Variants in MTHFD1L observed in about 807,000 individuals in gnomAD.
MTHFD1L encodes the protein monofunctional C1-tetrahydrofolate synthase, mitochondrial.
MTHFD1L carries 81 observed loss-of-function variants against 119.5 expected under a neutral mutation model. The ratio of observed to expected loss-of-function variants is 0.68; its 90% CI spans 0.57 to 0.82. MTHFD1L has a LOEUF of 0.82. Among genes scored for constraint, MTHFD1L ranks in the 40% least tolerant of loss-of-function variants. MTHFD1L has a pLI of 0.00. For missense variants in MTHFD1L, 1,125 were observed against 1,253.4 expected (o/e 0.90, Z 1.55); for synonymous variants, 430 against 475.2 (o/e 0.90, Z 1.24).
intron 1 of MTHFD1L, chr6:150,866,671 A>T (rs1483174846): frequency 1.7e-6 from 2 of 1,175,868 alleles, no homozygotes; most frequent in African/African-American, 3.2e-5. Flanking sequence ...GCCGGGGGGA[A>T]TCCGAGAGGT....
Position 150,882,788 on chromosome 6 carries a change from T to G in MTHFD1L, c.444T>G (p.Asn148Lys), listed in dbSNP as rs1013122691. Residue 148 changes from asparagine (N) to lysine (K), a missense_variant, in exon 5 of 28, where the codon AAT (asparagine) becomes AAG (lysine). Transcript: ENST00000367321. Reference protein sequence around the residue: ...AEIIDEILKINEDTRVHGLAL... With the variant: ...AEIIDEILKIKEDTRVHGLAL... The stretch of plus-strand genomic sequence containing the variant: ...TTATAGATGAAATCTTAAAGATCAA[T>G]GAAGATACCAGAGTACATGGCCTTG... 49 of 1,539,982 alleles carry G rather than the reference T, an allele frequency of 3.2e-5. No homozygotes were observed. The highest frequency in any genetic ancestry group is 3.7e-5 in the Non-Finnish European group (43 of 1,152,676).
chr6:151,066,809 C>T (rs1180997898), intron 26 of MTHFD1L, among the ~76,000 whole-genome samples: 2 of 151,810 alleles, frequency 1.3e-5, no homozygotes, highest in Non-Finnish European at 2.9e-5. Context: ...TTGGTTCTTC[C>T]AAAGAGCCAT....
At chr6:150,992,722 A>G (rs547389386) in intron 20 of MTHFD1L, among the ~76,000 whole-genome samples, 11 of 152,200 alleles carry the variant, frequency 7.2e-5, no homozygotes, top group Non-Finnish European at 1.6e-4. Flanking sequence ...ACTTTCTTGC[A>G]GCACTGATGG....
At chr6:150,966,122 G>A (rs542452931) in intron 19 of MTHFD1L, among the ~76,000 whole-genome samples, 1 of 152,194 alleles carries the variant, frequency 6.6e-6, no homozygotes, top group Non-Finnish European at 1.5e-5. Flanking sequence ...CGAGGATCTG[G>A]TTAGGAACCT....
intron 20 of MTHFD1L, among the ~76,000 whole-genome samples, chr6:150,977,296 A>C (rs1268050216): frequency 6.6e-6 from 1 of 152,220 alleles, no homozygotes; most frequent in Admixed American, 6.5e-5. Flanking sequence ...GGAAGGAATT[A>C]TTTTGTCTAT....
intron 26 of MTHFD1L, among the ~76,000 whole-genome samples, chr6:151,059,823 G>A (rs970473546): frequency 1.5e-4 from 23 of 152,146 alleles, no homozygotes; most frequent in Admixed American, 3.3e-4. Context: ...GCTCTAACTC[G>A]GTGTCTTACA....
chr6:150,882,280 C>T (rs991513765), intron 4 of MTHFD1L, among the ~76,000 whole-genome samples: 2 of 152,188 alleles, frequency 1.3e-5, no homozygotes, highest in Non-Finnish European at 2.9e-5. Context: ...ACTGCTTGGA[C>T]GTCATGATTA....
chr6:151,059,742 A>G (rs1790408989), intron 26 of MTHFD1L, among the ~76,000 whole-genome samples: 1 of 152,180 alleles, frequency 6.6e-6, no homozygotes, highest in East Asian at 1.9e-4. Context: ...TTTCCTACCC[A>G]CAGTCTGGAG....
At chr6:150,900,109 C>T (rs1188120820) in intron 7 of MTHFD1L, among the ~76,000 whole-genome samples, 2 of 151,828 alleles carry the variant, frequency 1.3e-5, no homozygotes, top group Non-Finnish European at 2.9e-5. Context: ...GCAGGCAACA[C>T]AGTCTACAGT....
chr6:150,938,103 C>T (rs112968800), intron 12 of MTHFD1L, among the ~76,000 whole-genome samples: 8 of 152,122 alleles, frequency 5.3e-5, no homozygotes, highest in Admixed American at 3.9e-4. Flanking sequence ...CTCCAATCTC[C>T]GCCTCCCAGT....
At chr6:151,073,472 A>G (rs1792158024) in intron 26 of MTHFD1L, among the ~76,000 whole-genome samples, 1 of 152,228 alleles carries the variant, frequency 6.6e-6, no homozygotes, top group Non-Finnish European at 1.5e-5. Context: ...GCAAAGATCT[A>G]GGAAAATACC....
At chr6:150,960,835 A>C (rs1328605264) in intron 18 of MTHFD1L, among the ~76,000 whole-genome samples, 1 of 152,190 alleles carries the variant, frequency 6.6e-6, no homozygotes, top group Non-Finnish European at 1.5e-5. Context: ...AGGAAGATAA[A>C]GTTAAAATTG....
chr6:151,032,459 A>G lies in MTHFD1L; in HGVS notation c.2587-2034A>G, dbSNP rs564476974. ...ATTATCGTGAGGACAGTACCAAGCCATTCATGAGGGATCCGCCCCCGTGAT... is the reference window on the plus strand; with the variant it reads ...ATTATCGTGAGGACAGTACCAAGCCGTTCATGAGGGATCCGCCCCCGTGAT... On this transcript the variant is annotated intron_variant, in intron 24 of 27. Coordinates refer to ENST00000367321, the MANE Select transcript of MTHFD1L (RefSeq NM_015440.5). Among the ~76,000 whole-genome samples the G allele has an allele frequency of 7.9e-5, 12 of 152,270 alleles. No individual in the cohort carries two copies. In the South Asian group the frequency reaches 2.3e-3, roughly 29 times the overall value.
chr6:151,043,395 G>T lies in MTHFD1L; in HGVS notation c.2847+6278G>T, dbSNP rs374152308. Among the ~76,000 whole-genome samples, 6 of 149,736 alleles carry T rather than the reference G, an allele frequency of 4.0e-5. 1 individual carries two copies. In the South Asian group the frequency reaches 6.4e-4, roughly 16 times the overall value. ...TACTCCTGCCTCAGCCTCCCAAGTA[G>T]CTGGGACTACAGGTATATGCCACCA... On this transcript the variant is annotated intron_variant, in intron 26 of 27. Transcript: ENST00000367321.
chr6:150,891,448 A>G (rs907033241), intron 7 of MTHFD1L, among the ~76,000 whole-genome samples: 4 of 148,124 alleles, frequency 2.7e-5, no homozygotes, highest in Non-Finnish European at 5.9e-5. Context: ...TATAATCCTT[A>G]TATATATATA....
chr6:150,910,759 C>G (rs1205793001), intron 8 of MTHFD1L, among the ~76,000 whole-genome samples: 1 of 152,078 alleles, frequency 6.6e-6, no homozygotes, highest in Admixed American at 6.5e-5. Flanking sequence ...TGGTCCACTT[C>G]CTGCATTCCT....
chr6:151,024,144 A>G (rs1784325055), intron 24 of MTHFD1L, among the ~76,000 whole-genome samples: 1 of 152,054 alleles, frequency 6.6e-6, no homozygotes, highest in South Asian at 2.1e-4. Flanking sequence ...GAACATGAAC[A>G]CGGAACGAGC....
At chr6:151,024,551 A>G (rs923372649) in intron 24 of MTHFD1L, among the ~76,000 whole-genome samples, 2 of 152,188 alleles carry the variant, frequency 1.3e-5, no homozygotes, top group Admixed American at 6.5e-5. Context: ...AAAAAAGGCC[A>G]GGCACGATGG....
intron 7 of MTHFD1L, among the ~76,000 whole-genome samples, chr6:150,890,918 T>C (rs2128790265): frequency 6.6e-6 from 1 of 152,300 alleles, no homozygotes. Context: ...CATAAAACAA[T>C]GATATACAAG....
Sources: allele counts gnomAD v4.1 joint callset (sites outside exome capture counted in the v4.1 genomes callset), GRCh38; gene constraint gnomAD v4.1.1; transcripts MANE v1.5; gene names NCBI Gene and HGNC (gene_info 2026-07-23, HGNC 2026-07-21).